Variants in PELI2 observed in about 807,000 individuals in gnomAD.
PELI2 encodes E3 ubiquitin-protein ligase pellino homolog 2.
A neutral mutation model predicts 42.3 loss-of-function variants in PELI2; 23 were observed. The observed-to-expected ratio is 0.54, with a 90% confidence interval of 0.39 to 0.77. PELI2 has a LOEUF of 0.77. Among genes scored for constraint, PELI2 ranks in the 30% least tolerant of loss-of-function variants. The pLI, the probability that PELI2 is intolerant of heterozygous loss-of-function variation, is 0.00. For synonymous variants in PELI2, 245 were observed against 212.2 expected (o/e 1.15, Z -1.34); for missense variants, 463 against 553.2 (o/e 0.84, Z 1.64).
chr14:56,210,224 G>A (rs116398310), intron 2 of PELI2, among the ~76,000 whole-genome samples: 1,727 of 152,152 alleles, frequency 0.011, 36 homozygotes, highest in African/African-American at 0.04. Flanking sequence ...GTGCGGAGGA[G>A]GAAGAAGAGG....
At chr14:56,270,022 CT>C (rs1296272814) in intron 2 of PELI2, among the ~76,000 whole-genome samples, 1 of 152,194 alleles carries the variant, frequency 6.6e-6, no homozygotes, top group East Asian at 1.9e-4. Context: ...CATATTCTTA[CT>C]TTCTCTGGTG....
At position 56,288,508 on chromosome 14, in the gene PELI2, C is replaced by G; in HGVS notation, c.381C>G (p.Asp127Glu). Residue 127 changes from aspartate (D) to glutamate (E), a missense_variant, in exon 4 of 6, where the codon GAC becomes GAG. Physicochemically the swap from Asp to Glu is conservative, Grantham distance 45. Around this residue, in one of 3 missense-constraint regions of PELI2, gnomAD observed 343 missense variants for 378.4 expected, o/e 0.91. Coordinates refer to ENST00000267460, the MANE Select transcript of PELI2 (RefSeq NM_021255.3). This position sits in a 1 kb window ranked among gnomAD's most constrained non-coding sequence, Gnocchi z 4.6. ...CGATTTCTGGCAGCCAGAACACGGA[C>G]GAAGCCCAGATCACACAGAGCACCA... The part of the protein sequence containing the change: ...TDTISGSQNT[D>E]EAQITQSTIS... 6.2e-7 allele frequency: 1 copy of G among 1,614,042 alleles called. No homozygotes were observed. The highest frequency in any genetic ancestry group is 8.5e-7 in the Non-Finnish European group (1 of 1,179,960).
At chr14:56,291,539 AT>A (rs1436297511) in intron 5 of PELI2, among the ~76,000 whole-genome samples, 17 of 152,234 alleles carry the variant, frequency 1.1e-4, no homozygotes, top group African/African-American at 4.1e-4. Flanking sequence ...AATTCAATAA[AT>A]TTTGTATGAA....
At chr14:56,252,646 TAG>T (rs923369473) in intron 2 of PELI2, among the ~76,000 whole-genome samples, 10 of 151,600 alleles carry the variant, frequency 6.6e-5, no homozygotes, top group African/African-American at 2.4e-4. Context: ...AGAGAGGAGA[TAG>T]AGGGAGAGCG....
intron 2 of PELI2, among the ~76,000 whole-genome samples, chr14:56,271,450 A>G (rs758534214): frequency 7.9e-5 from 12 of 152,240 alleles, no homozygotes; most frequent in Non-Finnish European, 1.6e-4. Context: ...GTGAGAGGTC[A>G]GTATAGTTAT....
chr14:56,182,325 C>CT lies in PELI2; in HGVS notation c.207+3862dup, dbSNP rs759609536. Among the ~76,000 whole-genome samples, 21 of 152,266 alleles carry CT rather than the reference C, an allele frequency of 1.4e-4. 1 individual carries two copies. Among genetic ancestry groups the CT allele is most frequent in the Admixed American group, 8.5e-4 (13 of 15,296 alleles). ...AAGCAGAGGGAGTGACATGATGTGA[C>CT]TGAGAAATCAAGTCAGTTTATGTGT... is the stretch of plus-strand genomic sequence containing the variant. On this transcript the variant is annotated intron_variant, in intron 2 of 5. Transcript: ENST00000267460.
intron 1 of PELI2, among the ~76,000 whole-genome samples, chr14:56,166,781 T>TC (rs1189907698): frequency 6.6e-6 from 1 of 151,850 alleles, no homozygotes; most frequent in Non-Finnish European, 1.5e-5. Flanking sequence ...ATTGGTTTTT[T>TC]TTTCTTTCTT....
intron 2 of PELI2, among the ~76,000 whole-genome samples, chr14:56,199,919 G>A (rs566330103): frequency 6.6e-6 from 1 of 152,172 alleles, no homozygotes; most frequent in African/African-American, 2.4e-5. Flanking sequence ...TGTATCTGGG[G>A]TTTACCTTCA....
chr14:56,215,378 G>T (rs968681976), intron 2 of PELI2, among the ~76,000 whole-genome samples: 3 of 152,280 alleles, frequency 2.0e-5, no homozygotes, highest in African/African-American at 7.2e-5. Flanking sequence ...AGCCCGCCGG[G>T]GGAGCATGCT....
At chr14:56,251,749 G>C (rs192455844) in intron 2 of PELI2, among the ~76,000 whole-genome samples, 2 of 152,166 alleles carry the variant, frequency 1.3e-5, no homozygotes, top group Non-Finnish European at 1.5e-5. Flanking sequence ...ATAAATGTTG[G>C]GGGACATTAC....
intron 1 of PELI2, among the ~76,000 whole-genome samples, chr14:56,122,969 A>G (rs1883117350): frequency 6.6e-6 from 1 of 152,228 alleles, no homozygotes; most frequent in Admixed American, 6.5e-5. Context: ...TCAAACTGCC[A>G]AAGGGATTCT....
chr14:56,247,801 G>C (rs565164760), intron 2 of PELI2, among the ~76,000 whole-genome samples: 4 of 152,272 alleles, frequency 2.6e-5, no homozygotes, highest in Admixed American at 1.3e-4. Flanking sequence ...TAGAAATGTC[G>C]AGACAGACCT....
At chr14:56,281,081 G>T (rs1889467284) in intron 3 of PELI2, among the ~76,000 whole-genome samples, 1 of 152,080 alleles carries the variant, frequency 6.6e-6, no homozygotes, top group African/African-American at 2.4e-5. Flanking sequence ...CTGTGAATTG[G>T]TGCAACATTT....
At chr14:56,275,070 A>G (rs72720013) in intron 2 of PELI2, among the ~76,000 whole-genome samples, 2 of 1,760 alleles carry the variant, frequency 1.1e-3, no homozygotes, top group African/African-American at 0.019. Flanking sequence ...TCATTCGTTC[A>G]TTCATTCATT....
chr14:56,125,943 G>A (rs1012754116), intron 1 of PELI2, among the ~76,000 whole-genome samples: 6 of 152,216 alleles, frequency 3.9e-5, no homozygotes, highest in Admixed American at 2.6e-4. Flanking sequence ...AGGGCTTAGT[G>A]AATGTTTCTG....
chr14:56,221,013 A>G (rs767718781), intron 2 of PELI2, among the ~76,000 whole-genome samples: 1 of 152,228 alleles, frequency 6.6e-6, no homozygotes, highest in Non-Finnish European at 1.5e-5. Context: ...GTTAGGCCTC[A>G]TGACATTCTG....
intron 3 of PELI2, among the ~76,000 whole-genome samples, chr14:56,287,180 G>A (rs1889672250): frequency 6.6e-6 from 1 of 152,170 alleles, no homozygotes; most frequent in Non-Finnish European, 1.5e-5. Context: ...GAGGCTCCAG[G>A]TTTGGTGAGA....
At chr14:56,203,808 A>G (rs1886423108) in intron 2 of PELI2, among the ~76,000 whole-genome samples, 1 of 152,178 alleles carries the variant, frequency 6.6e-6, no homozygotes, top group South Asian at 2.1e-4. Context: ...ATGGCTATAT[A>G]TACAGGAGGT....
chr14:56,290,275 C>A lies in PELI2; in HGVS notation c.515C>A (p.Ala172Glu). Reference protein sequence around the residue: ...SSKNIFLGEKAAKWKNPDGHM... With the variant: ...SSKNIFLGEKEAKWKNPDGHM... ...CTGCTGTGTTCTCTCCAGGAAAAGG[C>A]AGCAAAGTGGAAAAACCCCGACGGC... The change falls in exon 5 of 6, where the codon GCA becomes GAA. Residue 172 changes from alanine (A) to glutamate (E), a missense_variant. Transcript: ENST00000267460. 6.3e-7 allele frequency: 1 copy of A among 1,589,496 alleles called. No individual in the cohort carries two copies. Among genetic ancestry groups the A allele is most frequent in the South Asian group, 1.1e-5 (1 of 88,422 alleles).
Sources: allele counts gnomAD v4.1 joint callset (sites outside exome capture counted in the v4.1 genomes callset), GRCh38; gene constraint gnomAD v4.1.1; regional missense constraint gnomAD v4.1.1; non-coding constraint Gnocchi (gnomAD v3.1); transcripts MANE v1.5; gene names NCBI Gene and HGNC (gene_info 2026-07-23, HGNC 2026-07-21).